Variants in ELMO1 observed in about 807,000 individuals in gnomAD.
The protein encoded by ELMO1 is engulfment and cell motility protein 1.
ELMO1 carries 26 observed loss-of-function variants against 98.9 expected under a neutral mutation model. The observed-to-expected ratio is 0.26, with a 90% CI of 0.19 to 0.36. The LOEUF is 0.36. ELMO1 is among the 10% of genes least tolerant of loss of function. The pLI is 1.00. For synonymous variants in ELMO1, 346 were observed against 346.0 expected, an observed-to-expected ratio of 1.00 and a Z score of 0.00; for missense variants, 627 against 935.2, an observed-to-expected ratio of 0.67 and a Z score of 4.30.
intron 1 of ELMO1, among the ~76,000 whole-genome samples, chr7:37,380,628 AAC>A (rs1218290877): frequency 6.6e-6 from 1 of 152,236 alleles, no homozygotes; most frequent in Non-Finnish European, 1.5e-5. Context: ...AGTCACCACA[AAC>A]ACTGAATTTG....
chr7:37,373,647 C>T (rs1220773358), intron 1 of ELMO1, among the ~76,000 whole-genome samples: 1 of 151,940 alleles, frequency 6.6e-6, no homozygotes, highest in Non-Finnish European at 1.5e-5. Flanking sequence ...GTTTATGGTG[C>T]TATTTTAATT....
chr7:37,427,936 T>G (rs1472753719), intron 1 of ELMO1, among the ~76,000 whole-genome samples: 7 of 152,188 alleles, frequency 4.6e-5, no homozygotes, highest in Non-Finnish European at 4.4e-5. Context: ...CAGGCCTCCA[T>G]GCATTCTGAT....
chr7:37,048,989 G>C (rs1795951924), intron 15 of ELMO1, among the ~76,000 whole-genome samples: 1 of 152,166 alleles, frequency 6.6e-6, no homozygotes, highest in Non-Finnish European at 1.5e-5. Context: ...CGTGGTGAGG[G>C]AGACCCACTG....
At chr7:37,020,550 AGAC>A (rs931030354) in intron 15 of ELMO1, among the ~76,000 whole-genome samples, 16 of 152,196 alleles carry the variant, frequency 1.1e-4, no homozygotes, top group African/African-American at 3.9e-4. Flanking sequence ...TAGAATGATA[AGAC>A]GACGGGAAAA....
At position 37,138,501 on chromosome 7, in the gene ELMO1, C is replaced by T. The variant is rs571758290; in HGVS notation, c.1087-5267G>A. Among the ~76,000 whole-genome samples the T allele has an allele frequency of 2.0e-5, 3 of 152,228 alleles. No individual in the cohort carries two copies. The South Asian group carries it at 6.2e-4, about 32-fold the overall frequency. ...AGATGGATAAATTCCTGGAAATATG[C>T]AACTTTTCTAGATTAAACCAGGAAG... On this transcript the variant is annotated intron_variant, in intron 13 of 21. Coordinates refer to ENST00000310758, the MANE Select transcript of ELMO1 (RefSeq NM_014800.11).
Position 37,133,137 on chromosome 7 carries a change from T to C in ELMO1, c.1184A>G (p.Tyr395Cys). The C allele has an allele frequency of 6.2e-7, 1 of 1,608,846 alleles. No homozygotes were observed. Among genetic ancestry groups the C allele is most frequent in the Admixed American group, 1.7e-5 (1 of 59,008 alleles). Residue 395 changes from tyrosine (Y) to cysteine (C), a missense_variant, in exon 14 of 22, where the codon TAC (tyrosine) becomes TGC (cysteine). Physicochemically the swap from Tyr to Cys is radical, Grantham distance 194 (BLOSUM62 -2). Around this residue, in one of 3 missense-constraint regions of ELMO1, gnomAD observed 492 missense variants for 715.6 expected, o/e 0.69. Transcript: ENST00000310758. ...AAGGGGCTTCTTGCTTACCCGGATG[T>C]AGGCATCTTGGTGGTGCTTGGCAAA... ...LYFAKHHQDAYIRIVLENSSR... is the reference protein window; with the variant it reads ...LYFAKHHQDACIRIVLENSSR...
intron 2 of ELMO1, among the ~76,000 whole-genome samples, chr7:37,335,339 C>T (rs115395674): frequency 1.2e-3 from 174 of 149,452 alleles, no homozygotes; most frequent in African/African-American, 3.9e-3. Context: ...TAGAAGGAAA[C>T]GGCAAGAGAT....
At chr7:37,318,583 T>C (rs1055949579) in intron 2 of ELMO1, among the ~76,000 whole-genome samples, 1 of 152,142 alleles carries the variant, frequency 6.6e-6, no homozygotes, top group African/African-American at 2.4e-5. Context: ...ACCTAGAACA[T>C]AATGAAGTTG....
rs1417647099 is a variant in ELMO1, at chr7:37,307,161, T to C, written c.192+7689A>G. On this transcript the variant is annotated intron_variant, in intron 4 of 21. Transcript: ENST00000310758. ...AGTGTCTGAATCCTAAAATTAGGTA[T>C]GTCCAAAGGGGAAGTTAAAATTTGA... Among the ~76,000 whole-genome samples, 6 of 152,236 alleles carry C rather than the reference T, an allele frequency of 3.9e-5. No homozygotes were observed. The East Asian group carries it at 1.2e-3, about 29-fold the overall frequency.
chr7:37,023,368 G>A (rs1345897600), intron 15 of ELMO1, among the ~76,000 whole-genome samples: 1 of 152,142 alleles, frequency 6.6e-6, no homozygotes, highest in Non-Finnish European at 1.5e-5. Context: ...TCATACATAT[G>A]ATTTCAGTGG....
At chr7:37,325,800 G>A (rs1799767938) in intron 2 of ELMO1, among the ~76,000 whole-genome samples, 1 of 152,140 alleles carries the variant, frequency 6.6e-6, no homozygotes, top group Non-Finnish European at 1.5e-5. Context: ...GCTTTCAAAT[G>A]TCAGGACACC....
At chr7:37,235,042 C>T (rs998854571) in intron 7 of ELMO1, among the ~76,000 whole-genome samples, 3 of 152,206 alleles carry the variant, frequency 2.0e-5, no homozygotes, top group African/African-American at 2.4e-5. Flanking sequence ...CCCTAGGTGG[C>T]ATCAAAGGAT....
At chr7:36,998,294 C>T (rs1426196343) in intron 16 of ELMO1, among the ~76,000 whole-genome samples, 1 of 152,130 alleles carries the variant, frequency 6.6e-6, no homozygotes, top group Non-Finnish European at 1.5e-5. Context: ...TTCCCACTTG[C>T]CTCTTAGAAA....
chr7:36,933,096 C>T (rs1391738561), intron 16 of ELMO1, among the ~76,000 whole-genome samples: 1 of 152,118 alleles, frequency 6.6e-6, no homozygotes, highest in Non-Finnish European at 1.5e-5. Context: ...TCCTTTTGGC[C>T]CAGTTAACTT....
intron 7 of ELMO1, among the ~76,000 whole-genome samples, chr7:37,242,705 T>G (rs1204745852): frequency 6.6e-6 from 1 of 152,234 alleles, no homozygotes; most frequent in South Asian, 2.1e-4. Flanking sequence ...TGCACTTCAG[T>G]GATCAGCAGT....
chr7:37,139,690 G>A (rs1016105526), intron 13 of ELMO1, among the ~76,000 whole-genome samples: 2 of 152,008 alleles, frequency 1.3e-5, no homozygotes, highest in African/African-American at 4.8e-5. Flanking sequence ...TACCACCACT[G>A]CTCTTCAGAA....
intron 21 of ELMO1, among the ~76,000 whole-genome samples, chr7:36,859,071 A>G (rs1802412717): frequency 6.6e-6 from 1 of 152,206 alleles, no homozygotes; most frequent in African/African-American, 2.4e-5. Flanking sequence ...ATTTCAAGGA[A>G]AAAAGGCACA....
At chr7:36,959,886 G>A (rs1788798888) in intron 16 of ELMO1, among the ~76,000 whole-genome samples, 1 of 152,064 alleles carries the variant, frequency 6.6e-6, no homozygotes, top group Admixed American at 6.6e-5. Flanking sequence ...TCACCATTTT[G>A]GCCAGGCTGG....
chr7:37,154,582 T>C (rs935219565), intron 13 of ELMO1, among the ~76,000 whole-genome samples: 13 of 152,110 alleles, frequency 8.5e-5, no homozygotes, highest in Non-Finnish European at 1.8e-4. Context: ...GAAGATCAAA[T>C]TAATGAAAAA....
Sources: allele counts gnomAD v4.1 joint callset (sites outside exome capture counted in the v4.1 genomes callset), GRCh38; gene constraint gnomAD v4.1.1; regional missense constraint gnomAD v4.1.1; transcripts MANE v1.5; gene names NCBI Gene and HGNC (gene_info 2026-07-23, HGNC 2026-07-21).